Variants in CHMP4B observed in about 807,000 individuals in gnomAD.
The protein encoded by CHMP4B is charged multivesicular body protein 4B.
In CHMP4B, 1 loss-of-function variant was observed where a neutral mutation model predicts 25.1. That is an observed-to-expected ratio of 0.04 (90% CI 0.01 to 0.19). The LOEUF is 0.19. Ranked by LOEUF, CHMP4B falls within the 10% of genes least tolerant of loss-of-function variation. CHMP4B has a pLI of 1.00. For synonymous variants in CHMP4B, 101 were observed against 115.6 expected (o/e 0.87, Z 0.81); for missense variants, 151 against 289.7 (o/e 0.52, Z 3.48).
intron 2 of CHMP4B, 66 bp downstream of exon 2, chr20:33,848,710 A>G (rs1979756516): frequency 1.9e-6 from 3 of 1,561,884 alleles, no homozygotes; most frequent in Admixed American, 3.4e-5. Context: ...TACCCAGGCC[A>G]TGGCCTTGGG....
chr20:33,852,841 C>G (rs1183099614), intron 4 of CHMP4B, among the ~76,000 whole-genome samples: 1 of 152,192 alleles, frequency 6.6e-6, no homozygotes, highest in African/African-American at 2.4e-5. Context: ...AGACCTGATT[C>G]TATAAAACCT....
intron 1 of CHMP4B, among the ~76,000 whole-genome samples, chr20:33,836,228 A>G (rs1225498455): frequency 6.6e-6 from 1 of 152,150 alleles, no homozygotes; most frequent in African/African-American, 2.4e-5. Flanking sequence ...CTTTGCATAA[A>G]TGGTAGATTT....
chr20:33,848,806 T>C (rs1979759811), intron 2 of CHMP4B, among the ~76,000 whole-genome samples, 162 bp downstream of exon 2: 1 of 152,220 alleles, frequency 6.6e-6, no homozygotes, highest in African/African-American at 2.4e-5. Flanking sequence ...ATGGATGACG[T>C]GCCTTTGAAA....
intron 1 of CHMP4B, among the ~76,000 whole-genome samples, chr20:33,841,953 G>A (rs887354757): frequency 6.6e-6 from 1 of 152,120 alleles, no homozygotes; most frequent in Non-Finnish European, 1.5e-5. Context: ...AGAGTCCTGG[G>A]CTGGAAACCT....
Position 33,817,947 on chromosome 20 carries a change from A to C in CHMP4B, c.190+6289A>C, listed in dbSNP as rs1263240747. 2.0e-5 allele frequency among the ~76,000 whole-genome samples: 3 copies of C among 152,208 alleles called. No individual in the cohort carries two copies. In the East Asian group the frequency reaches 5.8e-4, roughly 29 times the overall value. On this transcript the variant is annotated intron_variant, in intron 1 of 4. Transcript: ENST00000217402. ...AGGTGGAAGGTGTGGTGATGTGGGC[A>C]AAAGATTCCCAGTTTGAATGCAGCT...
In CHMP4B at chr20:33,848,500, A is replaced by T; in HGVS notation, c.224A>T (p.Tyr75Phe). The T allele has an allele frequency of 6.2e-7, 1 of 1,614,208 alleles. No individual in the cohort carries two copies. The highest frequency in any genetic ancestry group is 8.5e-7 in the Non-Finnish European group (1 of 1,180,028). Reference sequence around the variant, plus strand: ...CAGGCACTGAAGCGTAAGAAGAGGTATGAGAAGCAGCTGGCGCAGATCGAC... The same window carrying T: ...CAGGCACTGAAGCGTAAGAAGAGGTTTGAGAAGCAGCTGGCGCAGATCGAC... ...ALQALKRKKR[Y>F]EKQLAQIDGT... is the part of the protein sequence containing the mutation. Residue 75 changes from tyrosine to phenylalanine, a missense_variant, in exon 2 of 5, where the codon TAT becomes TTT. Physicochemically the swap from Tyr to Phe is conservative, Grantham distance 22. Transcript: ENST00000217402.
intron 1 of CHMP4B, among the ~76,000 whole-genome samples, chr20:33,813,163 G>T (rs923022966): frequency 6.6e-6 from 1 of 151,950 alleles, no homozygotes; most frequent in Admixed American, 6.6e-5. Context: ...AAAAAAAGGG[G>T]GAGGAGCCTT....
At chr20:33,829,144 G>A (rs138516558) in intron 1 of CHMP4B, among the ~76,000 whole-genome samples, 1 of 152,354 alleles carries the variant, frequency 6.6e-6, no homozygotes, top group African/African-American at 2.4e-5. Flanking sequence ...GGGAGAAAGC[G>A]AGAAGAGCTG....
chr20:33,811,481 G>T lies in CHMP4B; in HGVS notation c.13G>T (p.Gly5Trp). 6.4e-7 allele frequency: 1 copy of T among 1,569,938 alleles called. No homozygotes were observed. The highest frequency in any genetic ancestry group is 8.7e-7 in the Non-Finnish European group (1 of 1,156,018). The change falls in exon 1 of 5, where the codon GGG becomes TGG. Residue 5 changes from glycine (G) to tryptophan (W), a missense_variant. By Grantham distance (184) the Gly-to-Trp change is radical. Transcript: ENST00000217402. ...GCGAGCAGCAACCATGTCGGTGTTCGGGAAGCTGTTCGGGGCTGGAGGGGG... is the reference window on the plus strand; with the variant it reads ...GCGAGCAGCAACCATGTCGGTGTTCTGGAAGCTGTTCGGGGCTGGAGGGGG... MSVF[G>W]KLFGAGGGKA... is the part of the protein sequence containing the mutation.
chr20:33,836,500 A>T (rs2044078428), intron 1 of CHMP4B, among the ~76,000 whole-genome samples: 1 of 151,872 alleles, frequency 6.6e-6, no homozygotes, highest in Admixed American at 6.6e-5. Flanking sequence ...AGGCACTATG[A>T]CTGGCCCCAT....
intron 1 of CHMP4B, 140 bp downstream of exon 1, chr20:33,811,798 A>G: frequency 1.2e-6 from 1 of 853,454 alleles, no homozygotes; most frequent in Non-Finnish European, 1.9e-6. Flanking sequence ...CGGGTCTGGG[A>G]CCCCCTCCCC....
At chr20:33,852,941 A>C (rs549835650) in intron 4 of CHMP4B, among the ~76,000 whole-genome samples, 3 of 152,214 alleles carry the variant, frequency 2.0e-5, no homozygotes, top group African/African-American at 4.8e-5. Context: ...AACTTCTAGA[A>C]AAAGCGAGGC....
intron 1 of CHMP4B, among the ~76,000 whole-genome samples, chr20:33,835,180 G>T (rs1325797889): frequency 2.0e-5 from 3 of 152,198 alleles, no homozygotes; most frequent in African/African-American, 7.2e-5. Context: ...CTTCTTGCTA[G>T]CATCGTTTTC....
intron 1 of CHMP4B, among the ~76,000 whole-genome samples, chr20:33,822,368 C>CAGGA (rs1422371033): frequency 2.6e-5 from 4 of 152,206 alleles, no homozygotes; most frequent in Non-Finnish European, 4.4e-5. Flanking sequence ...TGGTCTCGAA[C>CAGGA]TCCTGACCTC....
intron 4 of CHMP4B, 101 bp downstream of exon 4, chr20:33,852,304 C>A: frequency 7.0e-7 from 1 of 1,431,266 alleles, no homozygotes; most frequent in Non-Finnish European, 9.8e-7. Context: ...GGTTTGTGGT[C>A]GGTTGGCTTT....
In CHMP4B at chr20:33,811,884, C is replaced by G. The variant is rs80032289; in HGVS notation, c.190+226C>G. 0.028 allele frequency among the ~76,000 whole-genome samples: 4,311 copies of G among 152,228 alleles called. 206 individuals carry two copies. The highest frequency in any genetic ancestry group is 0.099 in the African/African-American group (4,093 of 41,516). On this transcript the variant is annotated intron_variant, in intron 1 of 4. Coordinates refer to ENST00000217402, the MANE Select transcript of CHMP4B (RefSeq NM_176812.5). ...ATTCTGCCCTCTCCCCTCAGCCTCT[C>G]TCCACCCCGCCAGGTCCCTTCAGAC...
chr20:33,814,316 G>A (rs1055629677), intron 1 of CHMP4B, among the ~76,000 whole-genome samples: 1 of 152,228 alleles, frequency 6.6e-6, no homozygotes, highest in Non-Finnish European at 1.5e-5. Flanking sequence ...AAAATACACT[G>A]TGTCAGCCCT....
In CHMP4B at chr20:33,811,408, G is replaced by C. The variant is rs944019922; in HGVS notation, c.-61G>C. 1.2e-4 allele frequency: 155 copies of C among 1,311,262 alleles called. No individual in the cohort carries two copies. The highest frequency in any genetic ancestry group is 1.4e-4 in the Non-Finnish European group (139 of 1,012,372). 81.2% of individuals were successfully genotyped at this position (1,311,262 alleles called of 1,614,324 possible). ...GGAGCGGGCGCCGGAGCCGACCCGAGCCGAGCCGAGCCGAGCCGAGCCGGA... is the reference window on the plus strand; with the variant it reads ...GGAGCGGGCGCCGGAGCCGACCCGACCCGAGCCGAGCCGAGCCGAGCCGGA... On this transcript the variant is annotated 5_prime_UTR_variant, in exon 1 of 5. Coordinates refer to ENST00000217402, the MANE Select transcript of CHMP4B (RefSeq NM_176812.5).
chr20:33,836,829 A>C (rs1979405186), intron 1 of CHMP4B, among the ~76,000 whole-genome samples: 1 of 152,210 alleles, frequency 6.6e-6, no homozygotes, highest in African/African-American at 2.4e-5. Context: ...CGTAGGGTTC[A>C]ACTTGGATCA....
Sources: allele counts gnomAD v4.1 joint callset (sites outside exome capture counted in the v4.1 genomes callset), GRCh38; gene constraint gnomAD v4.1.1; transcripts MANE v1.5; gene names NCBI Gene and HGNC (gene_info 2026-07-23, HGNC 2026-07-21).